The following CEP85L variants were observed in gnomAD, a reference collection of about 807,000 sequenced individuals.
CEP85L encodes centrosomal protein of 85 kDa-like.
A neutral mutation model predicts 100.3 loss-of-function variants in CEP85L; 60 were observed. That is an observed-to-expected ratio of 0.60 (90% CI 0.49 to 0.74). The LOEUF (loss-of-function observed/expected upper bound fraction) is 0.74, where lower values mean the gene tolerates loss of function less well. Among genes scored for constraint, CEP85L ranks in the 30% least tolerant of loss-of-function variants. The pLI, the probability that CEP85L is intolerant of heterozygous loss-of-function variation, is 0.00. For synonymous variants in CEP85L, 319 were observed against 322.7 expected, an observed-to-expected ratio of 0.99 and a Z score of 0.12; for missense variants, 973 against 936.2, an observed-to-expected ratio of 1.04 and a Z score of -0.51.
At chr6:118,472,512 T>C (rs774258341) in intron 10 of CEP85L, among the ~76,000 whole-genome samples, 11 of 152,146 alleles carry the variant, frequency 7.2e-5, no homozygotes, top group Non-Finnish European at 1.2e-4. Flanking sequence ...AAAACATTAA[T>C]TACTTCTCTA....
chr6:118,525,454 T>C (rs116894579), intron 3 of CEP85L, among the ~76,000 whole-genome samples: 1,880 of 152,280 alleles, frequency 0.012, 14 homozygotes, highest in Non-Finnish European at 0.02. Flanking sequence ...GATGAGCTCC[T>C]TAAGGTAAGG....
chr6:118,642,258 A>G (rs1376156462), intron 1 of CEP85L, among the ~76,000 whole-genome samples: 1 of 152,212 alleles, frequency 6.6e-6, no homozygotes, highest in Non-Finnish European at 1.5e-5. Flanking sequence ...AACATTTGCT[A>G]TACCCTACCC....
intron 3 of CEP85L, among the ~76,000 whole-genome samples, chr6:118,535,622 C>T (rs950873856): frequency 3.9e-5 from 6 of 152,068 alleles, no homozygotes; most frequent in Non-Finnish European, 7.4e-5. Flanking sequence ...TTCCTCTCAC[C>T]CAGGAGGTGA....
At chr6:118,579,962 C>T (rs1025999071) in intron 2 of CEP85L, among the ~76,000 whole-genome samples, 2 of 152,194 alleles carry the variant, frequency 1.3e-5, no homozygotes, top group African/African-American at 4.8e-5. Context: ...CATATCCCCA[C>T]GTGTGTAGAA....
intron 4 of CEP85L, among the ~76,000 whole-genome samples, chr6:118,518,828 G>A (rs184409945): frequency 1.0e-3 from 156 of 152,280 alleles, no homozygotes; most frequent in Non-Finnish European, 1.9e-3. Context: ...ATGTTAGAGT[G>A]TCAATTTTAG....
At position 118,507,755 on chromosome 6, in the gene CEP85L, C is replaced by G. The variant is rs142628708; in HGVS notation, c.1257+3543G>C. The stretch of plus-strand genomic sequence containing the variant: ...CTATTCCTTCACCCCCTTCACCTGG[C>G]TCAATTCATTTAGTTCATCAGGTTC... On this transcript the variant is annotated intron_variant, in intron 5 of 12. Transcript: ENST00000368491. 3.7e-3 allele frequency among the ~76,000 whole-genome samples: 565 copies of G among 152,258 alleles called. 3 individuals carry two copies. Among genetic ancestry groups the G allele is most frequent in the African/African-American group, 0.013 (539 of 41,560 alleles).
chr6:118,475,170 G>C (rs1459856545), intron 10 of CEP85L, among the ~76,000 whole-genome samples: 1 of 152,098 alleles, frequency 6.6e-6, no homozygotes, highest in African/African-American at 2.4e-5. Flanking sequence ...GTAGATCAGT[G>C]GTTGCTTATG....
At chr6:118,645,635 G>A (rs1022005853) in intron 1 of CEP85L, among the ~76,000 whole-genome samples, 4 of 152,142 alleles carry the variant, frequency 2.6e-5, no homozygotes, top group Admixed American at 6.5e-5. Context: ...TTGCACAACC[G>A]CACTCCAGCC....
chr6:118,680,612 C>A (rs932387977), intron 1 of CEP85L, among the ~76,000 whole-genome samples: 1 of 152,144 alleles, frequency 6.6e-6, no homozygotes, highest in Non-Finnish European at 1.5e-5. Flanking sequence ...CACAGTGGCT[C>A]ACGCCTATAA....
chr6:118,521,615 G>C (rs771949388), intron 4 of CEP85L, among the ~76,000 whole-genome samples: 2 of 152,096 alleles, frequency 1.3e-5, no homozygotes, highest in Non-Finnish European at 2.9e-5. Flanking sequence ...GAATATAATG[G>C]AAGTGATGTT....
At chr6:118,526,387 C>T (rs941852485) in intron 3 of CEP85L, among the ~76,000 whole-genome samples, 1 of 152,156 alleles carries the variant, frequency 6.6e-6, no homozygotes, top group Non-Finnish European at 1.5e-5. Flanking sequence ...TTCAGGACCC[C>T]GCTCCATCCA....
intron 1 of CEP85L, among the ~76,000 whole-genome samples, chr6:118,668,304 A>G (rs1256232140): frequency 6.6e-6 from 1 of 152,224 alleles, no homozygotes; most frequent in Non-Finnish European, 1.5e-5. Context: ...GGACACCTGC[A>G]GAGTTTTAAA....
At position 118,686,941 on chromosome 6, in the gene CEP85L, C is replaced by T. The variant is rs1045807117; in HGVS notation, c.-28+23095G>A. 3.9e-5 allele frequency among the ~76,000 whole-genome samples: 6 copies of T among 152,198 alleles called. No individual in the cohort carries two copies. The Middle Eastern group carries it at 0.01, about 259-fold the overall frequency. ...TGAAGCCTACATGCCTTTCCATAGC[C>T]ACAGGACTCTACCTCATCTGACCTC... On this transcript the variant is annotated intron_variant, in intron 1 of 13. Transcript: ENST00000368488.
chr6:118,604,755 T>C (rs764667092), intron 2 of CEP85L, among the ~76,000 whole-genome samples: 5 of 152,324 alleles, frequency 3.3e-5, no homozygotes, highest in Middle Eastern at 6.8e-3. Flanking sequence ...GGTAGGCAAA[T>C]TGAACAGTTT....
At chr6:118,572,667 T>G (rs925948327) in intron 2 of CEP85L, among the ~76,000 whole-genome samples, 2 of 151,982 alleles carry the variant, frequency 1.3e-5, no homozygotes, top group East Asian at 3.9e-4. Flanking sequence ...CTGCTAGGAG[T>G]GGGGCTATAT....
chr6:118,508,900 A>G (rs1472154455), intron 5 of CEP85L, among the ~76,000 whole-genome samples: 2 of 152,128 alleles, frequency 1.3e-5, no homozygotes, highest in African/African-American at 4.8e-5. Flanking sequence ...CGCTAAAGAA[A>G]TATTTTATTA....
chr6:118,528,724 T>G (rs1777115419), intron 3 of CEP85L, among the ~76,000 whole-genome samples: 1 of 152,210 alleles, frequency 6.6e-6, no homozygotes, highest in Non-Finnish European at 1.5e-5. Flanking sequence ...CGGAGACATT[T>G]TACCTTCTAA....
intron 2 of CEP85L, among the ~76,000 whole-genome samples, chr6:118,586,761 A>G (rs1256239625): frequency 6.6e-6 from 1 of 152,122 alleles, no homozygotes; most frequent in Admixed American, 6.5e-5. Flanking sequence ...TGTCATTTCT[A>G]CCTCTCCTTT....
intron 2 of CEP85L, among the ~76,000 whole-genome samples, chr6:118,588,368 A>T (rs571485752): frequency 1.3e-5 from 2 of 152,316 alleles, no homozygotes; most frequent in Non-Finnish European, 2.9e-5. Flanking sequence ...TGGGCCATAG[A>T]GGCACAACCA....
Sources: allele counts gnomAD v4.1 joint callset (sites outside exome capture counted in the v4.1 genomes callset), GRCh38; gene constraint gnomAD v4.1.1; transcripts MANE v1.5; gene names NCBI Gene and HGNC (gene_info 2026-07-23, HGNC 2026-07-21).